Variants in TSEN2 observed in about 807,000 individuals in gnomAD.
TSEN2 encodes the protein tRNA splicing endonuclease subunit 2, also known as tRNA-splicing endonuclease subunit Sen2.
Under a neutral mutation model 59.2 loss-of-function variants are expected in TSEN2, and 54 were observed. The ratio of observed to expected loss-of-function variants is 0.91; its 90% CI spans 0.73 to 1.14. TSEN2 has a LOEUF of 1.14. Ranked by LOEUF, TSEN2 falls within the 50% of genes most tolerant of loss-of-function variation. The pLI is 0.00. For synonymous variants in TSEN2, 195 were observed against 198.2 expected (o/e 0.98, Z 0.14); for missense variants, 636 against 576.2 (o/e 1.10, Z -1.06).
Position 12,529,749 on chromosome 3 carries a change from C to G in TSEN2, c.1137-13C>G, listed in dbSNP as rs560244440. On this transcript the variant is annotated splice_polypyrimidine_tract_variant and intron_variant, in intron 9 of 11. Coordinates refer to ENST00000284995, the MANE Select transcript of TSEN2 (RefSeq NM_025265.4). ...CATGATTACTTTTAACATGCTTTTT[C>G]TGTATTTTCCAGTTATTCTGTCATT... 1.7e-5 allele frequency: 28 copies of G among 1,611,574 alleles called. No homozygotes were observed. The South Asian group carries it at 3.1e-4, about 18-fold the overall frequency.
chr3:12,523,596 C>T (rs1445790364), intron 8 of TSEN2, among the ~76,000 whole-genome samples: 2 of 135,260 alleles, frequency 1.5e-5, no homozygotes, highest in Non-Finnish European at 3.1e-5. Flanking sequence ...TGCAGTGGCA[C>T]GATCTCGATC....
intron 5 of TSEN2, among the ~76,000 whole-genome samples, chr3:12,504,381 A>G (rs1298153991): frequency 6.6e-6 from 1 of 152,118 alleles, no homozygotes; most frequent in Admixed American, 6.5e-5. Flanking sequence ...CAGGAGCTCA[A>G]GACCAGCCAG....
chr3:12,527,387 A>C (rs1042615696), intron 8 of TSEN2, among the ~76,000 whole-genome samples: 2 of 152,190 alleles, frequency 1.3e-5, no homozygotes, highest in African/African-American at 4.8e-5. Flanking sequence ...TGATGTGTCC[A>C]AAAAGGAAAA....
At chr3:12,515,090 C>G (rs1450311874) in intron 6 of TSEN2, 1 of 152,186 alleles carries the variant, frequency 6.6e-6, no homozygotes, top group Non-Finnish European at 1.5e-5. Flanking sequence ...AGACCTCCTG[C>G]AAGGGTCTTG....
At chr3:12,535,628 T>C (rs1341176597), downstream of TSEN2, among the ~76,000 whole-genome samples, 1 of 151,972 alleles carries the variant, frequency 6.6e-6, no homozygotes, top group Non-Finnish European at 1.5e-5. Flanking sequence ...ACTTCCTGAG[T>C]TCAAGCGATT....
chr3:12,538,283 G>A (rs1389628399), downstream of TSEN2, among the ~76,000 whole-genome samples: 2 of 152,304 alleles, frequency 1.3e-5, no homozygotes, highest in African/African-American at 4.8e-5. Context: ...CGTGAATCAA[G>A]CCGCACCAAA....
intron 8 of TSEN2, among the ~76,000 whole-genome samples, chr3:12,526,192 A>T (rs1275925477): frequency 1.3e-5 from 2 of 152,046 alleles, no homozygotes; most frequent in Non-Finnish European, 2.9e-5. Context: ...ATATGTGTAT[A>T]AAAAAATCTA....
At chr3:12,499,565 T>A (rs1332065814) in intron 4 of TSEN2, among the ~76,000 whole-genome samples, 1 of 152,186 alleles carries the variant, frequency 6.6e-6, no homozygotes, top group African/African-American at 2.4e-5. Context: ...TCAAGAAACC[T>A]TCGAGGGTAG....
At chr3:12,512,691 A>T (rs1419189933) in intron 6 of TSEN2, among the ~76,000 whole-genome samples, 1 of 152,248 alleles carries the variant, frequency 6.6e-6, no homozygotes, top group Non-Finnish European at 1.5e-5. Context: ...GGCATATTCC[A>T]CATGCAACAT....
intron 6 of TSEN2, 159 bp downstream of exon 6, chr3:12,505,390 C>G (rs1198017811): frequency 1.1e-5 from 7 of 648,074 alleles, no homozygotes; most frequent in Admixed American, 2.3e-5. Flanking sequence ...GTAGGCCTGC[C>G]TTTCACTCCT....
In TSEN2 at chr3:12,508,663, G is replaced by A. The variant is rs144452350; in HGVS notation, c.909+3432G>A. Among the ~76,000 whole-genome samples, 353 of 152,262 alleles carry A rather than the reference G, an allele frequency of 2.3e-3. 2 individuals carry two copies. Among genetic ancestry groups the A allele is most frequent in the African/African-American group, 8.0e-3 (331 of 41,528 alleles). On this transcript the variant is annotated intron_variant, in intron 6 of 11. Transcript: ENST00000284995. Reference sequence around the variant, plus strand: ...TGTGGACATGCGGCCTTGTAGGGGTGTTTTCATGCCTTTGCCTTGACTCAT... The same window carrying A: ...TGTGGACATGCGGCCTTGTAGGGGTATTTTCATGCCTTTGCCTTGACTCAT...
At chr3:12,510,694 T>C (rs2055354753) in intron 6 of TSEN2, among the ~76,000 whole-genome samples, 1 of 152,184 alleles carries the variant, frequency 6.6e-6, no homozygotes, top group African/African-American at 2.4e-5. Context: ...ATTCCAAGTA[T>C]CAGAATCTGG....
intron 4 of TSEN2, among the ~76,000 whole-genome samples, chr3:12,500,782 A>G (rs1381720101): frequency 6.6e-6 from 1 of 152,146 alleles, no homozygotes; most frequent in Non-Finnish European, 1.5e-5. Flanking sequence ...TGAGCCTTAG[A>G]GAGGTGGGGT....
chr3:12,490,111 G>A (rs1308282589), intron 2 of TSEN2, 122 bp downstream of exon 2: 6 of 1,004,994 alleles, frequency 6.0e-6, no homozygotes, highest in South Asian at 3.9e-5. Flanking sequence ...CTTTCCTTGC[G>A]GTTTGGTCCA....
intron 3 of TSEN2, among the ~76,000 whole-genome samples, chr3:12,496,112 G>T (rs1310456154): frequency 1.3e-5 from 2 of 152,212 alleles, no homozygotes; most frequent in Non-Finnish European, 2.9e-5. Flanking sequence ...CAGCACTTTT[G>T]ATATACACAT....
At chr3:12,504,683 C>T (rs1212075022) in intron 5 of TSEN2, among the ~76,000 whole-genome samples, 1 of 152,192 alleles carries the variant, frequency 6.6e-6, no homozygotes, top group African/African-American at 2.4e-5. Flanking sequence ...TGAGAATCTT[C>T]ATAGTGAAAA....
At chr3:12,519,749 G>T (rs1365999043) in intron 8 of TSEN2, among the ~76,000 whole-genome samples, 1 of 151,406 alleles carries the variant, frequency 6.6e-6, no homozygotes, top group Non-Finnish European at 1.5e-5. Flanking sequence ...CGTCTCAAAA[G>T]GAAAAAAAAA....
At chr3:12,529,441 G>A (rs1559363396) in intron 9 of TSEN2, among the ~76,000 whole-genome samples, 1 of 150,744 alleles carries the variant, frequency 6.6e-6, no homozygotes, top group Non-Finnish European at 1.5e-5. Flanking sequence ...ACTCCAGCGT[G>A]GGTGATAGAG....
chr3:12,498,329 C>T (rs879543822), intron 4 of TSEN2, among the ~76,000 whole-genome samples: 1 of 152,060 alleles, frequency 6.6e-6, no homozygotes, highest in Admixed American at 6.5e-5. Context: ...GAAGTGAAAG[C>T]GATAAACTAT....
Sources: allele counts gnomAD v4.1 joint callset (sites outside exome capture counted in the v4.1 genomes callset), GRCh38; gene constraint gnomAD v4.1.1; transcripts MANE v1.5; gene names NCBI Gene and HGNC (gene_info 2026-07-23, HGNC 2026-07-21).